SZT2: variants seen among roughly 807,000 people sequenced by gnomAD.
SZT2 encodes KICSTOR complex protein SZT2.
Under a neutral mutation model 404.2 loss-of-function variants are expected in SZT2, and 216 were observed. The observed-to-expected ratio is 0.53, with a 90% CI of 0.48 to 0.60. SZT2 has a LOEUF of 0.60. Ranked by LOEUF, SZT2 falls within the 20% of genes least tolerant of loss-of-function variation. The probability of loss-of-function intolerance (pLI) is 0.00; values close to 1 mark genes in which losing one functional copy is unlikely to be tolerated. For missense variants in SZT2, 3,857 were observed against 4,459.2 expected, an observed-to-expected ratio of 0.86 and a Z score of 3.85; for synonymous variants, 1,693 against 1,749.9, an observed-to-expected ratio of 0.97 and a Z score of 0.81.
rs368330210 is a variant in SZT2, at chr1:43,443,175, C to T, written c.8420-13C>T. The T allele has an allele frequency of 1.4e-5, 23 of 1,613,960 alleles. No individual in the cohort carries two copies. Among genetic ancestry groups the T allele is most frequent in the Admixed American group, 3.3e-5 (2 of 59,996 alleles). ...CAATGCCTGGGGCTACTACTAATGC[C>T]CTCAACCCTCAGAGCTGGAGCGCCA... On this transcript the variant is annotated splice_polypyrimidine_tract_variant and intron_variant, in intron 59 of 71. Transcript: ENST00000634258.
Position 43,427,447 on chromosome 1 carries a change from T to A in SZT2, c.3598+2T>A. ...TCCTCAGTGTGACCCTGGCTAGTGG[T>A]AAGGCTGCCGACTCAAGGTGGGCAG... On this transcript the variant is annotated splice_donor_variant, in intron 25 of 71. Transcript: ENST00000634258. LOFTEE classifies it high-confidence loss of function. 6.2e-7 allele frequency: 1 copy of A among 1,611,808 alleles called. No homozygotes were observed. Among genetic ancestry groups the A allele is most frequent in the South Asian group, 1.1e-5 (1 of 90,960 alleles).
rs1446346431 is a variant in SZT2 at position 43,443,466 on chromosome 1, CCT to C, written c.8615_8616del (p.Pro2872ArgfsTer9). ...TGGGCCCCCAGAGACCTCTGGACCC[CCT>C]GACGGGCAGGTAAGGCTGACTCCCA... Reference protein sequence around the residue: ...LHGPPETSGPPDGQRRHRPES... With the variant: ...LHGPPETSGPXDGQRRHRPES... On this transcript the variant is annotated frameshift_variant, in exon 61 of 72. Coordinates refer to ENST00000634258, the MANE Select transcript of SZT2 (RefSeq NM_001365999.1). LOFTEE classifies it high-confidence loss of function. 1.2e-6 allele frequency: 2 copies of C among 1,614,074 alleles called. No homozygotes were observed. The highest frequency in any genetic ancestry group is 8.5e-7 in the Non-Finnish European group (1 of 1,180,032).
intron 1 of SZT2, among the ~76,000 whole-genome samples, chr1:43,397,326 C>T (rs186841375): frequency 3.2e-4 from 48 of 151,378 alleles, no homozygotes; most frequent in African/African-American, 1.1e-3. Context: ...ACTGAGGAGC[C>T]TGAGGCAAGA....
chr1:43,406,885 G>A (rs1016553514), intron 4 of SZT2: 3 of 152,224 alleles, frequency 2.0e-5, no homozygotes, highest in Non-Finnish European at 4.4e-5. Flanking sequence ...ACTTAGAACT[G>A]TGCTTGCCAC....
intron 4 of SZT2, chr1:43,409,482 C>A: frequency 7.6e-6 from 3 of 392,890 alleles, no homozygotes; most frequent in Non-Finnish European, 1.5e-5. Context: ...TCAAATTATC[C>A]TTGTTTGCAG....
At chr1:43,416,403 C>A in intron 6 of SZT2, 132 bp from the exon 7 acceptor site, 1 of 742,936 alleles carries the variant, frequency 1.3e-6, no homozygotes, top group Non-Finnish European at 2.2e-6. Context: ...GTTTATAAAA[C>A]TTCACAGTTT....
chr1:43,428,513 A>G, intron 28 of SZT2, 27 bp downstream of exon 28: 1 of 1,607,246 alleles, frequency 6.2e-7, no homozygotes, highest in Admixed American at 1.7e-5. Flanking sequence ...AATGATGGAT[A>G]AGGGGGTACA....
In SZT2 at chr1:43,435,472, A is replaced by T. The variant is rs1016714617; in HGVS notation, c.6034+143A>T. The T allele has an allele frequency of 1.7e-5, 16 of 931,804 alleles. No homozygotes were observed. In the African/African-American group the frequency reaches 2.7e-4, roughly 16 times the overall value. 57.7% of individuals were successfully genotyped at this position (931,804 alleles called of 1,614,324 possible). A position where few individuals can be genotyped will look rare whatever the true frequency, so the allele number is the denominator to read the frequency against. ...CTAGAGAGAGAGCAAGGAGGATAGG[A>T]CAGGAAAGGATCACTGGCCTTGGCT... On this transcript the variant is annotated intron_variant, in intron 42 of 71. Coordinates refer to ENST00000634258, the MANE Select transcript of SZT2 (RefSeq NM_001365999.1).
rs1307374065 is a variant in SZT2 at position 43,424,923 on chromosome 1, AC to A, written c.2550+63del. 5.7e-6 allele frequency: 9 copies of A among 1,566,162 alleles called. No homozygotes were observed. Among genetic ancestry groups the A allele is most frequent in the Middle Eastern group, 1.7e-4 (1 of 5,984 alleles). ...GTCTGTCATAATCCCAGGGACACTC[AC>A]CTCTGAGCTGGGTTGGGACTGCTGG... On this transcript the variant is annotated intron_variant, in intron 17 of 71. Coordinates refer to ENST00000634258, the MANE Select transcript of SZT2 (RefSeq NM_001365999.1). This position sits in a 1 kb window ranked among gnomAD's most constrained non-coding sequence, Gnocchi z 4.1.
chr1:43,391,664 G>C (rs894561798), intron 1 of SZT2, among the ~76,000 whole-genome samples: 2 of 152,162 alleles, frequency 1.3e-5, no homozygotes, highest in African/African-American at 4.8e-5. Context: ...AGTGAAAGGA[G>C]GTGGAGGGAT....
intron 51 of SZT2, 117 bp from the exon 52 acceptor site, chr1:43,440,336 C>G: frequency 7.0e-7 from 1 of 1,419,040 alleles, no homozygotes; most frequent in Non-Finnish European, 9.5e-7. Flanking sequence ...TATATACTGT[C>G]ATTCACTGAC....
Position 43,452,812 on chromosome 1 carries a change from G to C in SZT2, c.*2332G>C, listed in dbSNP as rs542922172. On this transcript the variant is annotated 3_prime_UTR_variant, in exon 72 of 72. Transcript: ENST00000634258. The stretch of plus-strand genomic sequence containing the variant: ...GACATTTGAATCAGCCCCACTTTGA[G>C]CCGTCCACCTCCTCCCATCATCCCC... 145 of 1,367,592 alleles carry C rather than the reference G, an allele frequency of 1.1e-4. No homozygotes were observed. In the African/African-American group the frequency reaches 2.0e-3, roughly 19 times the overall value. 84.7% of individuals were successfully genotyped at this position (1,367,592 alleles called of 1,614,324 possible).
intron 4 of SZT2, among the ~76,000 whole-genome samples, chr1:43,407,796 G>C (rs995171775): frequency 2.7e-5 from 4 of 147,048 alleles, no homozygotes; most frequent in Admixed American, 6.8e-5. Flanking sequence ...AACAACAGTA[G>C]TTGTTTCTGG....
chr1:43,398,315 T>A (rs1649246547), intron 1 of SZT2, among the ~76,000 whole-genome samples: 1 of 152,298 alleles, frequency 6.6e-6, no homozygotes, highest in South Asian at 2.1e-4. Context: ...AATTCACTTA[T>A]TTAGAGAAAT....
At chr1:43,421,063 G>T (rs1212137346) in intron 10 of SZT2, 80 bp downstream of exon 10, 6 of 1,592,286 alleles carry the variant, frequency 3.8e-6, no homozygotes, top group Non-Finnish European at 5.1e-6. Context: ...GAGCTGGGGA[G>T]CATCACCCAG....
At chr1:43,417,045 G>C (rs1011075010) in intron 7 of SZT2, among the ~76,000 whole-genome samples, 1 of 152,208 alleles carries the variant, frequency 6.6e-6, no homozygotes, top group Non-Finnish European at 1.5e-5. Context: ...GAGGTAAAAA[G>C]CTATGGGAAA....
At position 43,450,066 on chromosome 1, in the gene SZT2, T is replaced by A; in HGVS notation, c.10087-37T>A. On this transcript the variant is annotated intron_variant, in intron 70 of 71. Transcript: ENST00000634258. This position sits in a 1 kb window ranked among gnomAD's most constrained non-coding sequence, Gnocchi z 4.3. ...CCTCAGGATGCCCTGTGGGAGGGTCTGTAGGGTCTGTGTCCCCTCCTCATC... is the reference window on the plus strand; with the variant it reads ...CCTCAGGATGCCCTGTGGGAGGGTCAGTAGGGTCTGTGTCCCCTCCTCATC... The A allele has an allele frequency of 6.2e-7, 1 of 1,612,780 alleles. No individual in the cohort carries two copies. Among genetic ancestry groups the A allele is most frequent in the Non-Finnish European group, 8.5e-7 (1 of 1,178,862 alleles).
At chr1:43,396,793 C>G (rs1160920085) in intron 1 of SZT2, among the ~76,000 whole-genome samples, 2 of 152,160 alleles carry the variant, frequency 1.3e-5, no homozygotes, top group East Asian at 1.9e-4. Context: ...CCCATTTGCA[C>G]TCCCCCAGGG....
Position 43,450,668 on chromosome 1 carries a change from C to A in SZT2, c.*188C>A. ...GCCTGGCAGCAGGAACCGCCCTCCC[C>A]AAACACCCACAGCCACTGACCCATC... On this transcript the variant is annotated 3_prime_UTR_variant, in exon 72 of 72. Coordinates refer to ENST00000634258, the MANE Select transcript of SZT2 (RefSeq NM_001365999.1). The surrounding 1 kb of genome is among the most constrained non-coding windows in gnomAD (Gnocchi z 4.3). 1.2e-6 allele frequency: 1 copy of A among 860,016 alleles called. No individual in the cohort carries two copies. The highest frequency in any genetic ancestry group is 1.8e-6 in the Non-Finnish European group (1 of 554,888). 53.3% of individuals were successfully genotyped at this position (860,016 alleles called of 1,614,324 possible). A position where few individuals can be genotyped will look rare whatever the true frequency, so the allele number is the denominator to read the frequency against.
Sources: gnomAD v4.1 joint callset for allele counts (sites outside exome capture counted in the v4.1 genomes callset) on GRCh38, gnomAD v4.1.1 for gene constraint, Gnocchi (gnomAD v3.1) non-coding constraint, MANE v1.5 for transcripts, NCBI Gene and HGNC (gene_info 2026-07-23, HGNC 2026-07-21) for gene names.